Variants in HMBOX1 observed in about 807,000 individuals in gnomAD.
HMBOX1 encodes the protein homeobox containing 1.
HMBOX1 carries 14 observed loss-of-function variants against 54.5 expected under a neutral mutation model. The ratio of observed to expected loss-of-function variants is 0.26; its 90% CI spans 0.17 to 0.40. The LOEUF (loss-of-function observed/expected upper bound fraction) is 0.40, where lower values mean the gene tolerates loss of function less well. HMBOX1 is among the 10% of genes least tolerant of loss of function. The probability of loss-of-function intolerance (pLI) is 1.00; values close to 1 mark genes in which losing one functional copy is unlikely to be tolerated. For missense variants in HMBOX1, 332 were observed against 514.4 expected (o/e 0.65, Z 3.43); for synonymous variants, 160 against 181.0 (o/e 0.88, Z 0.93).
At chr8:28,985,478 A>G (rs1830027256) in intron 4 of HMBOX1, among the ~76,000 whole-genome samples, 2 of 152,224 alleles carry the variant, frequency 1.3e-5, no homozygotes, top group South Asian at 2.1e-4. Context: ...GCTTCTATGT[A>G]TCTTTTCTAG....
chr8:28,976,964 C>T (rs191301887), intron 3 of HMBOX1, among the ~76,000 whole-genome samples: 138 of 152,278 alleles, frequency 9.1e-4, no homozygotes, highest in Middle Eastern at 3.4e-3. Flanking sequence ...CCGCCTCAGC[C>T]TCCCAAAGTC....
At chr8:28,983,193 C>T (rs1829678274) in intron 4 of HMBOX1, among the ~76,000 whole-genome samples, 1 of 152,224 alleles carries the variant, frequency 6.6e-6, no homozygotes, top group African/African-American at 2.4e-5. Flanking sequence ...ATTTCTACTC[C>T]AAAAGCTTGC....
At chr8:28,946,416 A>G (rs1337175555) in intron 1 of HMBOX1, among the ~76,000 whole-genome samples, 1 of 151,916 alleles carries the variant, frequency 6.6e-6, no homozygotes, top group Admixed American at 6.5e-5. Flanking sequence ...TAAAAATACA[A>G]AATATTAGCC....
chr8:28,992,660 G>A (rs563318318), intron 4 of HMBOX1, among the ~76,000 whole-genome samples: 2 of 152,042 alleles, frequency 1.3e-5, no homozygotes, highest in African/African-American at 4.8e-5. Context: ...CACGAGGTCA[G>A]GAGTTCAAGA....
At chr8:28,971,218 G>C (rs960632100) in intron 3 of HMBOX1, among the ~76,000 whole-genome samples, 6 of 150,550 alleles carry the variant, frequency 4.0e-5, no homozygotes, top group Admixed American at 1.3e-4. Flanking sequence ...TCAGCCTCCC[G>C]AGTAGCTGGG....
intron 3 of HMBOX1, among the ~76,000 whole-genome samples, chr8:28,971,838 A>G (rs1827485710): frequency 6.6e-6 from 1 of 152,180 alleles, no homozygotes; most frequent in African/African-American, 2.4e-5. Flanking sequence ...GATTTCCACT[A>G]CAGTAGAAGG....
intron 3 of HMBOX1, among the ~76,000 whole-genome samples, chr8:28,971,958 G>T (rs1827500113): frequency 6.6e-6 from 1 of 152,134 alleles, no homozygotes; most frequent in African/African-American, 2.4e-5. Context: ...TCTTCCTAAA[G>T]ATTTTTAAAC....
At chr8:28,933,615 A>G (rs1316979087) in intron 1 of HMBOX1, among the ~76,000 whole-genome samples, 2 of 152,230 alleles carry the variant, frequency 1.3e-5, no homozygotes, top group East Asian at 3.8e-4. Flanking sequence ...GAAAGAGGTG[A>G]TATTACTGCA....
At chr8:28,890,381 G>A (rs1810639552), upstream of HMBOX1, 2 of 169,622 alleles carry the variant, frequency 1.2e-5, no homozygotes, top group South Asian at 2.4e-4. Context: ...GCGGCAGCAG[G>A]TGGGAGAGGG....
chr8:28,972,253 C>T (rs1827555372), intron 3 of HMBOX1, among the ~76,000 whole-genome samples: 1 of 152,146 alleles, frequency 6.6e-6, no homozygotes, highest in Admixed American at 6.6e-5. Flanking sequence ...TGCTCTGTCA[C>T]CCAGGATGAA....
At chr8:29,011,897 C>T (rs1181756337) in intron 5 of HMBOX1, among the ~76,000 whole-genome samples, 1 of 152,088 alleles carries the variant, frequency 6.6e-6, no homozygotes, top group East Asian at 1.9e-4. Context: ...CCTTTTAAGA[C>T]GTTCCTCTAA....
At chr8:28,918,656 T>C (rs932000847) in intron 1 of HMBOX1, among the ~76,000 whole-genome samples, 6 of 152,180 alleles carry the variant, frequency 3.9e-5, no homozygotes, top group African/African-American at 1.4e-4. Flanking sequence ...TATCAAAAAA[T>C]CATAACTCGT....
intron 4 of HMBOX1, among the ~76,000 whole-genome samples, chr8:28,989,340 A>T (rs769072187): frequency 2.0e-5 from 3 of 151,962 alleles, no homozygotes; most frequent in Non-Finnish European, 2.9e-5. Context: ...TTCCTCTGTA[A>T]GTTTTATAGT....
intron 4 of HMBOX1, among the ~76,000 whole-genome samples, chr8:28,981,622 T>TC (rs1234465954): frequency 1.4e-5 from 2 of 143,120 alleles, no homozygotes; most frequent in Non-Finnish European, 3.0e-5. Context: ...GCAACGCTGA[T>TC]TTTTTTTTTT....
chr8:28,921,328 C>T (rs1009948793), intron 1 of HMBOX1, among the ~76,000 whole-genome samples: 1 of 152,094 alleles, frequency 6.6e-6, no homozygotes, highest in South Asian at 2.1e-4. Context: ...AGAGTGAGAC[C>T]CTGTCTCAAT....
At position 28,925,406 on chromosome 8, in the gene HMBOX1, T is replaced by A. The variant is rs537095058; in HGVS notation, c.-58+34728T>A. ...GTTCTTTAGTTCTAGTTTTGTTCTT[T>A]TTAAATGGCAGCCATGTAGTTATTG... is the stretch of plus-strand genomic sequence containing the variant. On this transcript the variant is annotated intron_variant, in intron 1 of 9. Transcript: ENST00000287701. Among the ~76,000 whole-genome samples, 14 of 152,340 alleles carry A rather than the reference T, an allele frequency of 9.2e-5. No individual in the cohort carries two copies. The South Asian group carries it at 2.7e-3, about 29-fold the overall frequency.
intron 5 of HMBOX1, 28 bp downstream of exon 5, chr8:29,009,210 C>A (rs756893086): frequency 6.6e-7 from 1 of 1,506,504 alleles, no homozygotes; most frequent in Non-Finnish European, 9.2e-7. Flanking sequence ...TTATTTATTG[C>A]ATCTGAAACA....
chr8:29,004,516 G>A (rs577538717), intron 4 of HMBOX1, among the ~76,000 whole-genome samples: 1 of 152,194 alleles, frequency 6.6e-6, no homozygotes, highest in African/African-American at 2.4e-5. Flanking sequence ...AGGGAGCGTG[G>A]TGTTTGAGGA....
intron 7 of HMBOX1, among the ~76,000 whole-genome samples, 153 bp downstream of exon 7, chr8:29,045,596 T>C (rs929406029): frequency 6.6e-6 from 1 of 152,212 alleles, no homozygotes; most frequent in African/African-American, 2.4e-5. Context: ...CCTGTCCTGC[T>C]CACACAGTAC....
Sources: allele counts gnomAD v4.1 joint callset (sites outside exome capture counted in the v4.1 genomes callset), GRCh38; gene constraint gnomAD v4.1.1; transcripts MANE v1.5; gene names NCBI Gene and HGNC (gene_info 2026-07-23, HGNC 2026-07-21).